Variants in CERS1 observed in about 807,000 individuals in gnomAD.
CERS1 encodes Embryonic growth/differentiation factor 1.
In CERS1, 16 loss-of-function variants were observed where a neutral mutation model predicts 35.7. The ratio of observed to expected loss-of-function variants is 0.45; its 90% CI spans 0.30 to 0.68. The LOEUF (loss-of-function observed/expected upper bound fraction) is 0.68. Ranked by LOEUF, CERS1 falls within the 30% of genes least tolerant of loss-of-function variation. The probability of loss-of-function intolerance (pLI) is 0.08; values close to 1 mark genes in which losing one functional copy is unlikely to be tolerated. For synonymous variants in CERS1, 243 were observed against 201.6 expected, an observed-to-expected ratio of 1.21 and a Z score of -1.74; for missense variants, 454 against 453.9, an observed-to-expected ratio of 1.00 and a Z score of 0.00.
At chr19:18,894,263 CG>C (rs753533597) in intron 1 of CERS1, among the ~76,000 whole-genome samples, 1 of 83,434 alleles carries the variant, frequency 1.2e-5, no homozygotes, top group African/African-American at 4.7e-5. Flanking sequence ...GGGTGGGTGG[CG>C]GGGCGCGGCT....
chr19:18,874,604 CCT>C (rs1339064158), intron 6 of CERS1, among the ~76,000 whole-genome samples: 2 of 152,184 alleles, frequency 1.3e-5, no homozygotes, highest in East Asian at 3.9e-4. Context: ...CCCGGCAGCC[CCT>C]GAGAGGGCAA....
At chr19:18,892,389 C>A (rs2056512042) in intron 2 of CERS1, among the ~76,000 whole-genome samples, 1 of 151,856 alleles carries the variant, frequency 6.6e-6, no homozygotes, top group South Asian at 2.1e-4. Context: ...CTGAGGCGGG[C>A]AGATCATGAG....
At chr19:18,880,203 G>A (rs149449210) in intron 4 of CERS1, 71 bp downstream of exon 4, 9 of 1,311,592 alleles carry the variant, frequency 6.9e-6, no homozygotes, top group Admixed American at 2.6e-5. Context: ...GCCTGGTCCC[G>A]CCCCTTTTCT....
At chr19:18,886,493 T>G (rs1442460891) in intron 2 of CERS1, among the ~76,000 whole-genome samples, 1 of 151,970 alleles carries the variant, frequency 6.6e-6, no homozygotes, top group African/African-American at 2.4e-5. Context: ...GCAGAGGTGG[T>G]GGCAGGAACT....
At chr19:18,882,479 A>G (rs2056236124) in intron 3 of CERS1, among the ~76,000 whole-genome samples, 1 of 151,410 alleles carries the variant, frequency 6.6e-6, no homozygotes, top group Non-Finnish European at 1.5e-5. Flanking sequence ...CTAAAAATAT[A>G]ATAATTAGCC....
Position 18,869,103 on chromosome 19 carries a change from G to T in CERS1, c.*882C>A. ...AGGCTGCGCGGCCATGAGGCGTTGC[G>T]AGCCCAAGCGGCGCCCAGCAGCTCC... On this transcript the variant is annotated 3_prime_UTR_variant, in exon 8 of 8. Coordinates refer to ENST00000623882, the MANE Select transcript of CERS1 (RefSeq NM_021267.5). The T allele has an allele frequency of 9.3e-7, 1 of 1,080,616 alleles. No individual in the cohort carries two copies. The highest frequency in any genetic ancestry group is 3.4e-5 in the South Asian group (1 of 29,666). The allele number at this position is 1,080,616 out of a possible 1,614,324, so 66.9% of individuals were successfully genotyped here.
intron 2 of CERS1, among the ~76,000 whole-genome samples, chr19:18,890,969 C>G (rs1328876215): frequency 6.6e-6 from 1 of 151,714 alleles, no homozygotes; most frequent in Non-Finnish European, 1.5e-5. Context: ...ACTAAAAATA[C>G]AAAAATTAGC....
Position 18,896,148 on chromosome 19 carries a change from G to C in CERS1, c.-76C>G. The C allele has an allele frequency of 1.8e-6, 1 of 542,566 alleles. No homozygotes were observed. The highest frequency in any genetic ancestry group is 2.3e-6 in the Non-Finnish European group (1 of 428,914). 33.6% of individuals were successfully genotyped at this position (542,566 alleles called of 1,614,324 possible). A position where few individuals can be genotyped will look rare whatever the true frequency, so the allele number is the denominator to read the frequency against. ...GACGGAGCCGCGCGCCCCGCGTCAC[G>C]CGCCGCAGCTGGGCCGGGGGCGCGC... On this transcript the variant is annotated 5_prime_UTR_variant, in exon 1 of 8. Coordinates refer to ENST00000623882, the MANE Select transcript of CERS1 (RefSeq NM_021267.5). This position sits in a 1 kb window ranked among gnomAD's most constrained non-coding sequence, Gnocchi z 5.9.
At chr19:18,876,536 T>TTGTG (rs60266196) in intron 6 of CERS1, among the ~76,000 whole-genome samples, 19,315 of 143,134 alleles carry the variant, frequency 0.13, 1,279 homozygotes, top group African/African-American at 0.16. Context: ...TTTGATTGGG[T>TTGTG]TGTGTGTGTG....
intron 2 of CERS1, among the ~76,000 whole-genome samples, chr19:18,885,644 C>G (rs1256842722): frequency 6.6e-6 from 1 of 151,148 alleles, no homozygotes; most frequent in East Asian, 1.9e-4. Flanking sequence ...CTCAGCATGC[C>G]AAGTAGCTGG....
chr19:18,871,345 G>C (rs888556769), intron 6 of CERS1, among the ~76,000 whole-genome samples: 2 of 150,770 alleles, frequency 1.3e-5, no homozygotes, highest in Non-Finnish European at 2.9e-5. Flanking sequence ...TCCTGCCTCA[G>C]CCTCCTGAGT....
intron 7 of CERS1, 131 bp from the exon 8 acceptor site, chr19:18,869,521 G>C: frequency 7.9e-7 from 1 of 1,263,702 alleles, no homozygotes; most frequent in Non-Finnish European, 1.1e-6. Flanking sequence ...GTGTGAAGCG[G>C]CGGGGTGGGC....
Position 18,884,198 on chromosome 19 carries a change from C to T in CERS1, c.479G>A (p.Gly160Asp). Residue 160 changes from glycine to aspartate, a missense_variant, in exon 3 of 8, where the codon GGC becomes GAC. Coordinates refer to ENST00000623882, the MANE Select transcript of CERS1 (RefSeq NM_021267.5). Reference protein sequence around the residue: ...AAYLLQGSFYGHSIYATLYMD... With the variant: ...AAYLLQGSFYDHSIYATLYMD... ...GTATAGCGTAGCGTAGATGGAGTGG[C>T]CATAGAAGCTTCCCTGGAGCAGGTA... 1 of 1,613,654 alleles carries T rather than the reference C, an allele frequency of 6.2e-7. No homozygotes were observed.
chr19:18,878,712 C>G lies in CERS1; in HGVS notation c.1010+218G>C. On this transcript the variant is annotated intron_variant, in intron 6 of 7. Coordinates refer to ENST00000623882, the MANE Select transcript of CERS1 (RefSeq NM_021267.5). The surrounding 1 kb of genome is among the most constrained non-coding windows in gnomAD (Gnocchi z 4.6). ...ACCCTGCCTGTCGCCCTGCCTGCCC[C>G]TCCCCAGCCTCTCCCTCCCCTTCCT... 2 of 1,383,892 alleles carry G rather than the reference C, an allele frequency of 1.4e-6. No individual in the cohort carries two copies. The highest frequency in any genetic ancestry group is 6.0e-5 in the Admixed American group (2 of 33,276). 85.7% of individuals were successfully genotyped at this position (1,383,892 alleles called of 1,614,324 possible). A position where few individuals can be genotyped will look rare whatever the true frequency, so the allele number is the denominator to read the frequency against.
Position 18,879,303 on chromosome 19 carries a change from A to AG in CERS1, c.837dup (p.Phe280LeufsTer45). ...AGGAGCGCATTGAAGAAGAAGTAGA[A>AG]GGGGATGTCAGGCACCGTGCGCAGA... On this transcript the variant is annotated frameshift_variant, in exon 5 of 8. Transcript: ENST00000623882. LOFTEE classifies it high-confidence loss of function. The AG allele has an allele frequency of 6.2e-7, 1 of 1,612,762 alleles. No individual in the cohort carries two copies. The highest frequency in any genetic ancestry group is 8.5e-7 in the Non-Finnish European group (1 of 1,179,470).
chr19:18,880,277 C>G lies in CERS1; in HGVS notation c.749G>C (p.Ser250Thr). ...CCCAGCACTCCCTACCACTCACCAGCTGAAGCCGAAGCTGAGGCAGCCCAA... is the reference window on the plus strand; with the variant it reads ...CCCAGCACTCCCTACCACTCACCAGGTGAAGCCGAAGCTGAGGCAGCCCAA... Reference protein sequence around the residue: ...ADLGCLSFGFSWFWFRLYWFP... With the variant: ...ADLGCLSFGFTWFWFRLYWFP... Residue 250 changes from serine (S) to threonine (T), a missense_variant, in exon 4 of 8, where the codon AGC becomes ACC. Coordinates refer to ENST00000623882, the MANE Select transcript of CERS1 (RefSeq NM_021267.5). 1 of 1,549,226 alleles carries G rather than the reference C, an allele frequency of 6.5e-7. No homozygotes were observed. Among genetic ancestry groups the G allele is most frequent in the South Asian group, 1.2e-5 (1 of 83,750 alleles).
intron 6 of CERS1, among the ~76,000 whole-genome samples, chr19:18,873,413 A>G (rs888862682): frequency 6.6e-6 from 1 of 152,010 alleles, no homozygotes; most frequent in African/African-American, 2.4e-5. Flanking sequence ...AAGGGCTTCA[A>G]GGGCCAGGCG....
chr19:18,895,369 G>A lies in CERS1; in HGVS notation c.249+455C>T, dbSNP rs1159399107. Among the ~76,000 whole-genome samples the A allele has an allele frequency of 1.3e-5, 2 of 152,236 alleles. No individual in the cohort carries two copies. The highest frequency in any genetic ancestry group is 2.9e-5 in the Non-Finnish European group (2 of 68,040). ...GGAGGCGCATGGCGCAGGCCGCGGT[G>A]CGCCGAGCCCTCCCGTTCCCGGTCC... On this transcript the variant is annotated intron_variant, in intron 1 of 7. Coordinates refer to ENST00000623882, the MANE Select transcript of CERS1 (RefSeq NM_021267.5). The surrounding 1 kb of genome is among the most constrained non-coding windows in gnomAD (Gnocchi z 6.4).
intron 6 of CERS1, among the ~76,000 whole-genome samples, chr19:18,872,974 C>T (rs967809479): frequency 2.0e-5 from 3 of 152,176 alleles, no homozygotes; most frequent in Non-Finnish European, 2.9e-5. Context: ...CTGATGGACA[C>T]CTTTTGGCTT....
Sources: allele counts gnomAD v4.1 joint callset (sites outside exome capture counted in the v4.1 genomes callset), GRCh38; gene constraint gnomAD v4.1.1; non-coding constraint Gnocchi (gnomAD v3.1); transcripts MANE v1.5; gene names NCBI Gene and HGNC (gene_info 2026-07-23, HGNC 2026-07-21).